ARHGAP24: variants seen among roughly 807,000 people sequenced by gnomAD.
The protein encoded by ARHGAP24 is rho GTPase-activating protein 24.
Under a neutral mutation model 76.4 loss-of-function variants are expected in ARHGAP24, and 50 were observed. The observed-to-expected ratio is 0.65, with a 90% CI of 0.52 to 0.83. The LOEUF (loss-of-function observed/expected upper bound fraction) is 0.83. ARHGAP24 is among the 40% of genes least tolerant of loss of function. The probability of loss-of-function intolerance (pLI) is 0.00; values close to 1 mark genes in which losing one functional copy is unlikely to be tolerated. For synonymous variants in ARHGAP24, 345 were observed against 323.3 expected, an observed-to-expected ratio of 1.07 and a Z score of -0.72; for missense variants, 930 against 914.2, an observed-to-expected ratio of 1.02 and a Z score of -0.22.
intron 4 of ARHGAP24, among the ~76,000 whole-genome samples, chr4:85,925,367 C>T (rs1735964384): frequency 6.6e-6 from 1 of 152,142 alleles, no homozygotes; most frequent in African/African-American, 2.4e-5. Flanking sequence ...TGCTTGTGCT[C>T]AAGAAAGCCT....
At chr4:85,546,287 C>T (rs1299538620) in intron 1 of ARHGAP24, among the ~76,000 whole-genome samples, 1 of 151,026 alleles carries the variant, frequency 6.6e-6, no homozygotes, top group Non-Finnish European at 1.5e-5. Context: ...ATATACAGGT[C>T]CAGTGGTAGT....
intron 1 of ARHGAP24, among the ~76,000 whole-genome samples, chr4:85,484,965 T>A (rs1578178420): frequency 6.6e-6 from 1 of 152,122 alleles, no homozygotes; most frequent in East Asian, 1.9e-4. Flanking sequence ...GCTTTAAGAC[T>A]TAAAAGCATC....
At chr4:85,982,761 GTTTTA>G (rs572287056) in intron 8 of ARHGAP24, among the ~76,000 whole-genome samples, 16 of 151,928 alleles carry the variant, frequency 1.1e-4, no homozygotes, top group African/African-American at 3.6e-4. Flanking sequence ...TTTTTAACTT[GTTTTA>G]TTTTATTCTA....
intron 3 of ARHGAP24, among the ~76,000 whole-genome samples, chr4:85,731,045 A>ATGTGTGTGTGTGTATATATACATATATG (rs1560606067): frequency 4.7e-5 from 7 of 148,938 alleles, no homozygotes; most frequent in African/African-American, 1.7e-4. Flanking sequence ...GAGACTGGGC[A>ATGTGTGTGTGTGTATATATACATATATG]TGTGTGTGTG....
At chr4:85,998,057 G>A (rs948549745) in intron 9 of ARHGAP24, among the ~76,000 whole-genome samples, 3 of 152,214 alleles carry the variant, frequency 2.0e-5, no homozygotes, top group South Asian at 2.1e-4. Flanking sequence ...CCTTATTACT[G>A]GATTGGGATT....
At chr4:85,956,812 T>C (rs13149026) in intron 5 of ARHGAP24, among the ~76,000 whole-genome samples, 31,697 of 151,976 alleles carry the variant, frequency 0.21, 3,544 homozygotes, top group South Asian at 0.39. Flanking sequence ...CAGTGGTGGA[T>C]GGCGAGTGAA....
At chr4:85,839,483 G>T (rs562709185) in intron 3 of ARHGAP24, among the ~76,000 whole-genome samples, 1 of 151,884 alleles carries the variant, frequency 6.6e-6, no homozygotes, top group Non-Finnish European at 1.5e-5. Context: ...ATAGAGTCTC[G>T]CTCTGTTGCC....
Position 85,556,441 on chromosome 4 carries a change from T to C in ARHGAP24, c.-20-14081T>C, listed in dbSNP as rs148571632. Among the ~76,000 whole-genome samples, 3 of 152,258 alleles carry C rather than the reference T, an allele frequency of 2.0e-5. No homozygotes were observed. In the East Asian group the frequency reaches 5.8e-4, roughly 30 times the overall value. On this transcript the variant is annotated intron_variant, in intron 1 of 9. Transcript: ENST00000395184. The stretch of plus-strand genomic sequence containing the variant: ...TGGAAAGAGACTGGGCTCCTCTCCA[T>C]ATGATAGCTGCAGCTTGCTGGAGGT...
intron 2 of ARHGAP24, among the ~76,000 whole-genome samples, chr4:85,626,233 G>A (rs1720948859): frequency 6.6e-6 from 1 of 152,112 alleles, no homozygotes; most frequent in Non-Finnish European, 1.5e-5. Flanking sequence ...CATGTTTAGT[G>A]CTTCCTTCAG....
At chr4:85,699,430 C>T (rs901849373) in intron 2 of ARHGAP24, among the ~76,000 whole-genome samples, 7 of 151,986 alleles carry the variant, frequency 4.6e-5, no homozygotes, top group Non-Finnish European at 7.4e-5. Context: ...CCTGTCTCTA[C>T]AAAAAATAAT....
At chr4:85,478,707 T>G (rs961054700) in intron 1 of ARHGAP24, among the ~76,000 whole-genome samples, 2 of 152,174 alleles carry the variant, frequency 1.3e-5, no homozygotes, top group African/African-American at 4.8e-5. Flanking sequence ...GTCTCCTCAC[T>G]GTTCAGGCTT....
At chr4:85,603,839 G>C (rs1720109415) in intron 2 of ARHGAP24, among the ~76,000 whole-genome samples, 1 of 152,114 alleles carries the variant, frequency 6.6e-6, no homozygotes, top group Non-Finnish European at 1.5e-5. Context: ...GATGGACTAG[G>C]CTCTCTGAAT....
Position 85,701,309 on chromosome 4 carries a change from G to A in ARHGAP24, c.181-20576G>A, listed in dbSNP as rs75912343. Among the ~76,000 whole-genome samples the A allele has an allele frequency of 3.6e-3, 540 of 151,808 alleles. 4 individuals are homozygous for A. The highest frequency in any genetic ancestry group is 0.012 in the African/African-American group (506 of 41,400). ...AATCTTTTATTTCAATAATTTTTGC[G>A]TACAGGCAGGTTTTGGTTACATGGG... On this transcript the variant is annotated intron_variant, in intron 2 of 9. Coordinates refer to ENST00000395184, the MANE Select transcript of ARHGAP24 (RefSeq NM_001025616.3).
chr4:85,501,340 A>G (rs1454590464), intron 1 of ARHGAP24, among the ~76,000 whole-genome samples: 1 of 152,234 alleles, frequency 6.6e-6, no homozygotes, highest in Non-Finnish European at 1.5e-5. Context: ...CAGTCCCACC[A>G]ACAGTGTAAA....
At chr4:85,491,732 G>C (rs1354340097) in intron 1 of ARHGAP24, among the ~76,000 whole-genome samples, 1 of 152,140 alleles carries the variant, frequency 6.6e-6, no homozygotes, top group Non-Finnish European at 1.5e-5. Flanking sequence ...TGTCAACCAA[G>C]TGTCTTGTGA....
In ARHGAP24 at chr4:85,495,341, A is replaced by AT. The variant is rs35138716; in HGVS notation, c.-21+19809dup. ...AGTCAAGTAAGTACAGAAGTACAGA[A>AT]TTTTTTTTTTTTTTTTTTTTTTTTT... is the stretch of plus-strand genomic sequence containing the variant. On this transcript the variant is annotated intron_variant, in intron 1 of 9. Coordinates refer to ENST00000395184, the MANE Select transcript of ARHGAP24 (RefSeq NM_001025616.3). Among the ~76,000 whole-genome samples, 526 of 53,102 alleles carry AT rather than the reference A, an allele frequency of 9.9e-3. 40 individuals carry two copies. The highest frequency in any genetic ancestry group is 0.025 in the African/African-American group (391 of 15,908). The allele number at this position is 53,102 out of a possible 152,430, so 34.8% of individuals were successfully genotyped here.
At chr4:85,928,052 G>T (rs997232908) in intron 4 of ARHGAP24, among the ~76,000 whole-genome samples, 21 of 152,272 alleles carry the variant, frequency 1.4e-4, no homozygotes, top group Middle Eastern at 3.4e-3. Context: ...AACGTGAAAA[G>T]TGTTGAATCT....
Position 85,499,473 on chromosome 4 carries a change from C to T in ARHGAP24, c.-21+23914C>T, listed in dbSNP as rs185239935. Among the ~76,000 whole-genome samples the T allele has an allele frequency of 3.0e-3, 454 of 152,292 alleles. 1 individual carries two copies. Among genetic ancestry groups the T allele is most frequent in the Non-Finnish European group, 5.2e-3 (355 of 68,006 alleles). On this transcript the variant is annotated intron_variant, in intron 1 of 9. Transcript: ENST00000395184. Reference sequence around the variant, plus strand: ...GAAAGCCTTTATCACCACTTCGTTTCCTGTTTTCCTCTTGTCTTTGGTGAC... The same window carrying T: ...GAAAGCCTTTATCACCACTTCGTTTTCTGTTTTCCTCTTGTCTTTGGTGAC...
chr4:85,738,534 G>A (rs746343981), intron 3 of ARHGAP24, among the ~76,000 whole-genome samples: 15 of 151,830 alleles, frequency 9.9e-5, no homozygotes, highest in Admixed American at 3.3e-4. Context: ...TACTGGTGGT[G>A]TCCTTGAACC....
Sources: gnomAD v4.1 joint callset for allele counts (sites outside exome capture counted in the v4.1 genomes callset) on GRCh38, gnomAD v4.1.1 for gene constraint, MANE v1.5 for transcripts, NCBI Gene and HGNC (gene_info 2026-07-23, HGNC 2026-07-21) for gene names.